Variants in COL1A2 observed in about 807,000 individuals in gnomAD.
COL1A2 encodes the protein collagen type I alpha 2 chain, also known as collagen alpha-2(I) chain.
A neutral mutation model predicts 174.3 loss-of-function variants in COL1A2; 49 were observed. The observed-to-expected ratio is 0.28, with a 90% confidence interval of 0.22 to 0.36. The LOEUF (loss-of-function observed/expected upper bound fraction) is 0.36, where lower values mean the gene tolerates loss of function less well. Ranked by LOEUF, COL1A2 falls within the 10% of genes least tolerant of loss-of-function variation. The pLI is 1.00. For missense variants in COL1A2, 1,438 were observed against 1,822.7 expected (o/e 0.79, Z 3.84); for synonymous variants, 655 against 606.6 (o/e 1.08, Z -1.17).
intron 51 of COL1A2, 115 bp downstream of exon 51, chr7:94,429,545 G>C: frequency 9.5e-7 from 1 of 1,054,564 alleles, no homozygotes; most frequent in Non-Finnish European, 1.4e-6. Flanking sequence ...AAGAATGAGA[G>C]AACTAACTTA....
rs568440729 is a variant in COL1A2 at position 94,414,382 on chromosome 7, T to C, written c.1719+107T>C. The C allele has an allele frequency of 5.5e-5, 56 of 1,022,934 alleles. No homozygotes were observed. In the African/African-American group the frequency reaches 8.4e-4, roughly 15 times the overall value. The allele number at this position is 1,022,934 out of a possible 1,614,324, so 63.4% of individuals were successfully genotyped here. ...ATAATATGTAAAAGAAAATTTCGTA[T>C]TTCATATGTTAATGATAGTGTTTTA... On this transcript the variant is annotated intron_variant, in intron 29 of 51. Transcript: ENST00000297268.
intron 44 of COL1A2, 27 bp downstream of exon 44, chr7:94,425,884 G>A (rs1443816562): frequency 6.2e-7 from 1 of 1,607,030 alleles, no homozygotes; most frequent in African/African-American, 1.3e-5. Context: ...CAGTCCCTCA[G>A]TGCAGCATTC....
chr7:94,418,407 C>T (rs938632171), intron 32 of COL1A2, 92 bp from the exon 33 acceptor site: 1 of 971,940 alleles, frequency 1.0e-6, no homozygotes, highest in Non-Finnish European at 1.6e-6. Flanking sequence ...GGTATCATAG[C>T]ATCTTCTGTA....
At chr7:94,420,766 T>C in intron 37 of COL1A2, 118 bp downstream of exon 37, 1 of 1,017,948 alleles carries the variant, frequency 9.8e-7, no homozygotes, top group South Asian at 1.4e-5. Context: ...AGATGGAAAA[T>C]AACGGAAGGA....
rs1320429076 is a variant in COL1A2, at chr7:94,430,783, A to G, written c.*390A>G. The G allele has an allele frequency of 4.1e-6, 1 of 242,440 alleles. No homozygotes were observed. Among genetic ancestry groups the G allele is most frequent in the Non-Finnish European group, 8.0e-6 (1 of 124,254 alleles). The allele number at this position is 242,440 out of a possible 1,614,324, so 15.0% of individuals were successfully genotyped here. On this transcript the variant is annotated 3_prime_UTR_variant, in exon 52 of 52. Transcript: ENST00000297268. ...CCAAAGGTTTAAACTACCTCAAAACACTTTCCCATGAGTGTGATCCACATT... is the reference window on the plus strand; with the variant it reads ...CCAAAGGTTTAAACTACCTCAAAACGCTTTCCCATGAGTGTGATCCACATT...
intron 38 of COL1A2, chr7:94,421,422 C>A: frequency 2.5e-6 from 1 of 393,726 alleles, no homozygotes; most frequent in Non-Finnish European, 4.7e-6. Flanking sequence ...CAGAGCTCCC[C>A]AAAAATGAAC....
chr7:94,430,453 C>A lies in COL1A2; in HGVS notation c.*60C>A. 6.6e-7 allele frequency: 1 copy of A among 1,524,706 alleles called. No homozygotes were observed. The allele number at this position is 1,524,706 out of a possible 1,614,324, so 94.4% of individuals were successfully genotyped here. ...TGAAAAAACTTTCTCTTTGCCATTT[C>A]TTCTTCTTCTTTTTTAACTGAAAGC... On this transcript the variant is annotated 3_prime_UTR_variant, in exon 52 of 52. Coordinates refer to ENST00000297268, the MANE Select transcript of COL1A2 (RefSeq NM_000089.4).
intron 51 of COL1A2, 50 bp from the exon 52 acceptor site, chr7:94,430,197 G>A (rs1445937405): frequency 6.4e-7 from 1 of 1,569,454 alleles, no homozygotes; most frequent in Non-Finnish European, 8.8e-7. Flanking sequence ...GATATTATCA[G>A]ATTCAGAAAT....
Position 94,428,421 on chromosome 7 carries a change from A to G in COL1A2, c.3655A>G (p.Ser1219Gly). 4 of 1,614,156 alleles carry G rather than the reference A, an allele frequency of 2.5e-6. No individual in the cohort carries two copies. Among genetic ancestry groups the G allele is most frequent in the Non-Finnish European group, 3.4e-6 (4 of 1,180,022 alleles). The change falls in exon 50 of 52, where the codon AGC becomes GGC. Residue 1219 changes from serine (S) to glycine (G), a missense_variant. Ser to Gly is a moderately conservative substitution (Grantham distance 56). Transcript: ENST00000297268. ...CATCCCAGCCAAGAACTGGTATAGG[A>G]GCTCCAAGGACAAGAAACACGTCTG... Reference protein sequence around the residue: ...ENIPAKNWYRSSKDKKHVWLG... With the variant: ...ENIPAKNWYRGSKDKKHVWLG...
chr7:94,407,886 C>A lies in COL1A2; in HGVS notation c.634C>A (p.Gln212Lys). 1 of 1,612,824 alleles carries A rather than the reference C, an allele frequency of 6.2e-7. No individual in the cohort carries two copies. The highest frequency in any genetic ancestry group is 1.1e-5 in the South Asian group (1 of 90,946). Residue 212 changes from glutamine to lysine, a missense_variant, in exon 13 of 52, where the codon CAA (glutamine) becomes AAA (lysine). By Grantham distance (53) the Gln-to-Lys change is moderately conservative (BLOSUM62 1). Transcript: ENST00000297268. ...GAPGENGTPG[Q>K]TGARGLPGER... Reference sequence around the variant, plus strand: ...CCCTGGTGAAAATGGAACTCCAGGTCAAACAGTAAGTATTGACTACTTCAT... The same window carrying A: ...CCCTGGTGAAAATGGAACTCCAGGTAAAACAGTAAGTATTGACTACTTCAT...
intron 1 of COL1A2, among the ~76,000 whole-genome samples, chr7:94,396,556 C>T (rs1791588527): frequency 6.6e-6 from 1 of 152,156 alleles, no homozygotes; most frequent in South Asian, 2.1e-4. Flanking sequence ...TTCTGATCAA[C>T]AGCCAACCAC....
chr7:94,429,496 G>GC, intron 51 of COL1A2, 66 bp downstream of exon 51: 1 of 1,576,908 alleles, frequency 6.3e-7, no homozygotes, highest in Non-Finnish European at 8.7e-7. Context: ...AACTTAGACT[G>GC]CCCCCAAGGG....
chr7:94,412,217 A>G, intron 24 of COL1A2, 96 bp downstream of exon 24: 1 of 1,029,448 alleles, frequency 9.7e-7, no homozygotes, highest in South Asian at 1.3e-5. Context: ...ACACATTGAA[A>G]ATAAATATCA....
chr7:94,404,833 T>C lies in COL1A2; in HGVS notation c.379-6T>C. 6.2e-7 allele frequency: 1 copy of C among 1,614,148 alleles called. No homozygotes were observed. The highest frequency in any genetic ancestry group is 8.5e-7 in the Non-Finnish European group (1 of 1,180,024). ...TAGTGAAATGATGGGTCTCCCATTTTCTTAGGGTCCTGCAGGTGCTCGTGG... is the reference window on the plus strand; with the variant it reads ...TAGTGAAATGATGGGTCTCCCATTTCCTTAGGGTCCTGCAGGTGCTCGTGG... On this transcript the variant is annotated splice_polypyrimidine_tract_variant and splice_region_variant and intron_variant, in intron 8 of 51. Coordinates refer to ENST00000297268, the MANE Select transcript of COL1A2 (RefSeq NM_000089.4).
In COL1A2 at chr7:94,428,307, G is replaced by A. The variant is rs1189878509; in HGVS notation, c.3541G>A (p.Asp1181Asn). Reference sequence around the variant, plus strand: ...TTTCTTAAAAGGTTACTACTGGATTGACCCTAACCAAGGATGCACTATGGA... The same window carrying A: ...TTTCTTAAAAGGTTACTACTGGATTAACCCTAACCAAGGATGCACTATGGA... ...PEWSSGYYWIDPNQGCTMDAI... is the reference protein window; with the variant it reads ...PEWSSGYYWINPNQGCTMDAI... Residue 1181 changes from aspartate (D) to asparagine (N), a missense_variant, in exon 50 of 52, where the codon GAC becomes AAC. Physicochemically the swap from Asp to Asn is conservative, Grantham distance 23 (BLOSUM62 1). This residue lies in a region of COL1A2 where 290 missense variants were observed against 298.1 expected (regional missense o/e 0.97). Coordinates refer to ENST00000297268, the MANE Select transcript of COL1A2 (RefSeq NM_000089.4). 6.2e-7 allele frequency: 1 copy of A among 1,613,620 alleles called. No homozygotes were observed.
rs776853005 is a variant in COL1A2, at chr7:94,410,437, A to G, written c.1107A>G (p.Gln369=). Residue 369 remains glutamine, a synonymous_variant, in exon 21 of 52, where the codon CAA becomes CAG. Coordinates refer to ENST00000297268, the MANE Select transcript of COL1A2 (RefSeq NM_000089.4). ...TTAAACAGGGCTCTGCTGGGCCCCA[A>G]GGTCCTCCTGGTCCCAGTGGTGAAG... ...NKGEPGSAGP[Q]GPPGPSGEEG... is the part of the protein sequence containing the mutation. The G allele has an allele frequency of 5.8e-6, 9 of 1,551,608 alleles. No individual in the cohort carries two copies. The highest frequency in any genetic ancestry group is 2.4e-5 in the East Asian group (1 of 40,988).
chr7:94,426,508 T>C lies in COL1A2; in HGVS notation c.3083T>C (p.Leu1028Ser). ...CCTGGCTTAAAGGGACACAATGGAT[T>C]GCAAGGTCTGCCTGGTATCGCTGTA... ...GLPGLKGHNG[L>S]QGLPGIAGHH... Residue 1028 changes from leucine to serine, a missense_variant, in exon 46 of 52, where the codon TTG (leucine) becomes TCG (serine). Coordinates refer to ENST00000297268, the MANE Select transcript of COL1A2 (RefSeq NM_000089.4). 2 of 1,604,332 alleles carry C rather than the reference T, an allele frequency of 1.2e-6. No individual in the cohort carries two copies. Among genetic ancestry groups the C allele is most frequent in the Non-Finnish European group, 1.7e-6 (2 of 1,175,800 alleles).
In COL1A2 at chr7:94,401,595, G is replaced by T. The variant is rs1791690660; in HGVS notation, c.254G>T (p.Gly85Val). 1.3e-6 allele frequency: 2 copies of T among 1,576,064 alleles called. No individual in the cohort carries two copies. Among genetic ancestry groups the T allele is most frequent in the Non-Finnish European group, 1.7e-6 (2 of 1,159,318 alleles). The part of the protein sequence containing the change: ...GNFAAQYDGK[G>V]VGLGPGPMGL... ...TTTGCTGCTCAGTATGATGGAAAAG[G>T]AGTTGGACTTGGCCCTGGACCAATG... is the stretch of plus-strand genomic sequence containing the variant. The change falls in exon 6 of 52, where the codon GGA (glycine) becomes GTA (valine). Residue 85 changes from glycine (G) to valine (V), a missense_variant. Gly to Val is a moderately radical substitution (Grantham distance 109). Transcript: ENST00000297268.
Position 94,428,886 on chromosome 7 carries a change from T to C in COL1A2, c.3712-302T>C, listed in dbSNP as rs59226272. Among the ~76,000 whole-genome samples the C allele has an allele frequency of 0.13, 20,435 of 151,530 alleles. 2,072 individuals are homozygous for C. Among genetic ancestry groups the C allele is most frequent in the East Asian group, 0.5 (2,595 of 5,142 alleles). ...ACAAAATGACAGAAAAAGAAAAATG[T>C]CAGAATTTCTACCTCCTCATTCTCT... On this transcript the variant is annotated intron_variant, in intron 50 of 51. Transcript: ENST00000297268.
Sources: allele counts gnomAD v4.1 joint callset (sites outside exome capture counted in the v4.1 genomes callset), GRCh38; gene constraint gnomAD v4.1.1; regional missense constraint gnomAD v4.1.1; transcripts MANE v1.5; gene names NCBI Gene and HGNC (gene_info 2026-07-23, HGNC 2026-07-21).